Variants in SGCZ observed in about 807,000 individuals in gnomAD.
The protein encoded by SGCZ is sarcoglycan zeta, also known as zeta-sarcoglycan.
A neutral mutation model predicts 41.3 loss-of-function variants in SGCZ; 40 were observed. The ratio of observed to expected loss-of-function variants is 0.97; its 90% CI spans 0.75 to 1.26. The LOEUF is 1.26. SGCZ is among the 50% of genes most tolerant of loss of function. The probability of loss-of-function intolerance (pLI) is 0.00; values close to 1 mark genes in which losing one functional copy is unlikely to be tolerated. For missense variants in SGCZ, 552 were observed against 369.8 expected (o/e 1.49, Z -4.04); for synonymous variants, 206 against 137.5 (o/e 1.50, Z -3.49).
chr8:15,086,347 G>T lies in SGCZ; in HGVS notation c.39+151238C>A, dbSNP rs912797091. ...AGCTTGGGTTTGGAAAAGACCATTC[G>T]CATACCTTATTCCAATCAGCTCCTC... On this transcript the variant is annotated intron_variant, in intron 1 of 7. Transcript: ENST00000382080. Among the ~76,000 whole-genome samples the T allele has an allele frequency of 3.3e-5, 5 of 152,082 alleles. No homozygotes were observed. The East Asian group carries it at 9.7e-4, about 29-fold the overall frequency.
At chr8:14,996,076 T>G (rs2130903157) in intron 1 of SGCZ, among the ~76,000 whole-genome samples, 1 of 152,126 alleles carries the variant, frequency 6.6e-6, no homozygotes, top group Non-Finnish European at 1.5e-5. Context: ...GCTAATTTTT[T>G]GTGTTTTTAG....
chr8:14,786,080 G>A (rs928939734), intron 1 of SGCZ, among the ~76,000 whole-genome samples: 9 of 135,160 alleles, frequency 6.7e-5, no homozygotes, highest in African/African-American at 3.1e-4. Context: ...TCAAGTAAGT[G>A]GTATACTGAA....
chr8:14,430,951 C>G (rs1799926936), intron 2 of SGCZ, among the ~76,000 whole-genome samples: 2 of 151,838 alleles, frequency 1.3e-5, no homozygotes, highest in African/African-American at 2.4e-5. Flanking sequence ...ACAACAGCTG[C>G]AAAAAATTAA....
At chr8:14,368,129 G>C (rs13253560) in intron 2 of SGCZ, among the ~76,000 whole-genome samples, 26,544 of 151,872 alleles carry the variant, frequency 0.17, 2,914 homozygotes, top group Non-Finnish European at 0.25. Flanking sequence ...CTGGGTTTTG[G>C]ACATGAGTGT....
chr8:14,854,412 A>G (rs1433867464), intron 1 of SGCZ, among the ~76,000 whole-genome samples: 1 of 152,110 alleles, frequency 6.6e-6, no homozygotes, highest in African/African-American at 2.4e-5. Context: ...TCCACAACAT[A>G]TCTAAAGCAG....
At chr8:14,399,097 G>C (rs1799000484) in intron 2 of SGCZ, among the ~76,000 whole-genome samples, 1 of 152,034 alleles carries the variant, frequency 6.6e-6, no homozygotes, top group South Asian at 2.1e-4. Context: ...TTATTATTTT[G>C]AGAGCTGAAA....
At chr8:15,175,825 T>C (rs1182914354) in intron 1 of SGCZ, among the ~76,000 whole-genome samples, 1 of 151,900 alleles carries the variant, frequency 6.6e-6, no homozygotes, top group Non-Finnish European at 1.5e-5. Flanking sequence ...GGAAAGAAAA[T>C]GACTTCTAGG....
intron 1 of SGCZ, among the ~76,000 whole-genome samples, chr8:14,978,436 A>C (rs114701256): frequency 0.025 from 3,299 of 133,844 alleles, 100 homozygotes; most frequent in South Asian, 0.12. Flanking sequence ...GCGGCATTGC[A>C]CTCTAGCCTG....
chr8:15,117,727 A>G (rs892700811), intron 1 of SGCZ, among the ~76,000 whole-genome samples: 3 of 152,264 alleles, frequency 2.0e-5, no homozygotes, highest in African/African-American at 7.2e-5. Flanking sequence ...CTATGGATAA[A>G]TAAAAGCCAT....
At chr8:14,113,650 A>G (rs1268103841) in intron 5 of SGCZ, among the ~76,000 whole-genome samples, 1 of 152,052 alleles carries the variant, frequency 6.6e-6, no homozygotes, top group Non-Finnish European at 1.5e-5. Flanking sequence ...CAACATCCTT[A>G]TTAGCGTACT....
chr8:14,591,794 T>A (rs977836874), intron 1 of SGCZ, among the ~76,000 whole-genome samples: 1 of 152,180 alleles, frequency 6.6e-6, no homozygotes, highest in African/African-American at 2.4e-5. Context: ...TTGACATTCA[T>A]GTCAACGAGA....
At chr8:14,679,465 G>C (rs757134688) in intron 1 of SGCZ, among the ~76,000 whole-genome samples, 1 of 151,070 alleles carries the variant, frequency 6.6e-6, no homozygotes. Context: ...GTGTGTTCGT[G>C]TATTAGTTTT....
chr8:14,593,323 T>A lies in SGCZ; in HGVS notation c.40-38397A>T, dbSNP rs75850516. ...GAGGAAAAGGCTACTAACCAAGAAA[T>A]GTAGGCTGACTTTAGAAGCTGAAAA... is the stretch of plus-strand genomic sequence containing the variant. On this transcript the variant is annotated intron_variant, in intron 1 of 7. Coordinates refer to ENST00000382080, the MANE Select transcript of SGCZ (RefSeq NM_139167.4). 7.1e-3 allele frequency among the ~76,000 whole-genome samples: 1,074 copies of A among 152,134 alleles called. 5 individuals are homozygous for A. The highest frequency in any genetic ancestry group is 0.014 in the Middle Eastern group (4 of 294).
At chr8:14,393,115 G>A (rs1305203710) in intron 2 of SGCZ, among the ~76,000 whole-genome samples, 4 of 152,072 alleles carry the variant, frequency 2.6e-5, no homozygotes, top group African/African-American at 4.8e-5. Flanking sequence ...ATATATCTAT[G>A]TTTTCTGAAG....
intron 3 of SGCZ, among the ~76,000 whole-genome samples, chr8:14,298,866 G>T (rs1463962782): frequency 1.7e-4 from 26 of 151,886 alleles, no homozygotes; most frequent in Admixed American, 1.7e-3. Flanking sequence ...GAACTAAAAA[G>T]AACCTAGAAC....
chr8:15,119,524 C>T (rs533738788), intron 1 of SGCZ, among the ~76,000 whole-genome samples: 1 of 143,958 alleles, frequency 6.9e-6, no homozygotes, highest in African/African-American at 2.9e-5. Context: ...GAGAAAGACC[C>T]TGTCTCAAAA....
At chr8:14,783,185 A>C (rs1176924880) in intron 1 of SGCZ, among the ~76,000 whole-genome samples, 1 of 152,114 alleles carries the variant, frequency 6.6e-6, no homozygotes, top group Non-Finnish European at 1.5e-5. Context: ...TGTAATACCA[A>C]CACTTTGGGA....
At chr8:14,850,916 A>C (rs934202055) in intron 1 of SGCZ, among the ~76,000 whole-genome samples, 1 of 151,920 alleles carries the variant, frequency 6.6e-6, no homozygotes, top group Non-Finnish European at 1.5e-5. Flanking sequence ...GTTTCCTGAC[A>C]CCTCTCCAGC....
intron 5 of SGCZ, among the ~76,000 whole-genome samples, chr8:14,118,189 C>G (rs1335607738): frequency 1.3e-5 from 2 of 152,106 alleles, no homozygotes; most frequent in Non-Finnish European, 2.9e-5. Flanking sequence ...AACTAATTTG[C>G]ACTCCTACCA....
Sources: gnomAD v4.1 joint callset for allele counts (sites outside exome capture counted in the v4.1 genomes callset) on GRCh38, gnomAD v4.1.1 for gene constraint, MANE v1.5 for transcripts, NCBI Gene and HGNC (gene_info 2026-07-23, HGNC 2026-07-21) for gene names.